The following GRM5 variants were observed in gnomAD, a reference collection of about 807,000 sequenced individuals.
GRM5 encodes the protein glutamate metabotropic receptor 5.
A neutral mutation model predicts 83.1 loss-of-function variants in GRM5; 19 were observed. The observed-to-expected ratio is 0.23, with a 90% confidence interval of 0.16 to 0.34. The LOEUF is 0.34. GRM5 is among the 10% of genes least tolerant of loss of function. The probability of loss-of-function intolerance (pLI) is 1.00; values close to 1 mark genes in which losing one functional copy is unlikely to be tolerated. For missense variants in GRM5, 1,160 were observed against 1,588.3 expected (o/e 0.73, Z 4.58); for synonymous variants, 675 against 633.6 (o/e 1.07, Z -0.98).
intron 3 of GRM5, among the ~76,000 whole-genome samples, chr11:88,829,290 G>A (rs1316846929): frequency 6.6e-6 from 1 of 152,086 alleles, no homozygotes; most frequent in African/African-American, 2.4e-5. Context: ...GCAAAACCCT[G>A]TCTCTACTAA....
intron 2 of GRM5, among the ~76,000 whole-genome samples, chr11:89,038,659 C>T (rs1271276011): frequency 1.3e-5 from 2 of 152,102 alleles, no homozygotes; most frequent in Non-Finnish European, 2.9e-5. Flanking sequence ...GTGCTGCTTT[C>T]AAAGCTAGAT....
chr11:88,933,755 A>T (rs1331447464), intron 2 of GRM5, among the ~76,000 whole-genome samples: 1 of 151,862 alleles, frequency 6.6e-6, no homozygotes, highest in Non-Finnish European at 1.5e-5. Flanking sequence ...AATGTTACTT[A>T]ATTCATTCAT....
At chr11:88,877,616 T>C (rs1411784011) in intron 2 of GRM5, among the ~76,000 whole-genome samples, 1 of 151,856 alleles carries the variant, frequency 6.6e-6, no homozygotes, top group African/African-American at 2.4e-5. Context: ...GGCACAGGAA[T>C]TTGAGACCAG....
intron 8 of GRM5, among the ~76,000 whole-genome samples, chr11:88,534,881 T>A (rs1256557095): frequency 2.0e-5 from 3 of 152,160 alleles, no homozygotes; most frequent in African/African-American, 7.2e-5. Flanking sequence ...GTTCTCATGG[T>A]AGTGAGTAAG....
chr11:88,680,582 G>A (rs1378765133), intron 3 of GRM5, among the ~76,000 whole-genome samples: 2 of 152,134 alleles, frequency 1.3e-5, no homozygotes, highest in Non-Finnish European at 2.9e-5. Flanking sequence ...CGATCCCTCA[G>A]GGATCTAGAA....
chr11:89,034,342 TATAAA>T (rs1941333669), intron 2 of GRM5, among the ~76,000 whole-genome samples: 2 of 152,056 alleles, frequency 1.3e-5, no homozygotes, highest in South Asian at 4.1e-4. Context: ...CTCTAAATGA[TATAAA>T]ATAACATTAT....
At chr11:88,814,102 A>G (rs1309622582) in intron 3 of GRM5, among the ~76,000 whole-genome samples, 1 of 152,228 alleles carries the variant, frequency 6.6e-6, no homozygotes, top group Non-Finnish European at 1.5e-5. Context: ...ATACCATCCT[A>G]TGTGAAACAA....
chr11:88,964,680 T>C (rs2134991612), intron 2 of GRM5, among the ~76,000 whole-genome samples: 1 of 152,298 alleles, frequency 6.6e-6, no homozygotes, highest in African/African-American at 2.4e-5. Flanking sequence ...GTGCTGTAAC[T>C]TGGCACATCA....
At chr11:88,820,947 A>T (rs2135509071) in intron 3 of GRM5, among the ~76,000 whole-genome samples, 1 of 152,364 alleles carries the variant, frequency 6.6e-6, no homozygotes, top group East Asian at 1.9e-4. Context: ...TGGAAAATAT[A>T]GCCTCATACA....
chr11:88,889,477 C>T (rs563334182), intron 2 of GRM5, among the ~76,000 whole-genome samples: 6 of 152,110 alleles, frequency 3.9e-5, no homozygotes, highest in Admixed American at 2.6e-4. Flanking sequence ...ACTGTTACAT[C>T]GTAACATAAT....
intron 9 of GRM5, among the ~76,000 whole-genome samples, chr11:88,524,611 C>T (rs1007846077): frequency 3.3e-5 from 5 of 152,318 alleles, no homozygotes; most frequent in Middle Eastern, 6.8e-3. Context: ...CCAAATACTC[C>T]GGTTTACTAG....
At chr11:88,830,425 C>A (rs1943968552) in intron 3 of GRM5, among the ~76,000 whole-genome samples, 2 of 152,244 alleles carry the variant, frequency 1.3e-5, no homozygotes, top group South Asian at 2.1e-4. Flanking sequence ...AGTAAAAAAT[C>A]TCCAAGCAAA....
intron 2 of GRM5, among the ~76,000 whole-genome samples, chr11:88,991,995 AAG>A (rs1939993676): frequency 6.6e-6 from 1 of 152,186 alleles, no homozygotes; most frequent in Non-Finnish European, 1.5e-5. Flanking sequence ...ATGGCAACAA[AAG>A]ACAAAATTGA....
At chr11:88,881,996 C>A (rs1041445110) in intron 2 of GRM5, among the ~76,000 whole-genome samples, 2 of 152,098 alleles carry the variant, frequency 1.3e-5, no homozygotes, top group Admixed American at 6.6e-5. Context: ...AATTCCAGCA[C>A]CTTGGGATGC....
At chr11:88,887,845 T>TC (rs1300080161) in intron 2 of GRM5, among the ~76,000 whole-genome samples, 2 of 152,182 alleles carry the variant, frequency 1.3e-5, no homozygotes, top group Non-Finnish European at 2.9e-5. Flanking sequence ...ATGGCCTTTT[T>TC]ACTAGATCCT....
At position 88,679,777 on chromosome 11, in the gene GRM5, C is replaced by T. The variant is rs865910567; in HGVS notation, c.912-26374G>A. Among the ~76,000 whole-genome samples the T allele has an allele frequency of 2.2e-4, 34 of 152,272 alleles. No individual in the cohort carries two copies. In the Middle Eastern group the frequency reaches 0.01, roughly 46 times the overall value. On this transcript the variant is annotated intron_variant, in intron 3 of 9. Transcript: ENST00000305447. ...TATCTCTGTTGCTGTCACTTAGCTT[C>T]ACCATACTTGATTTATATTAATTCA... is the stretch of plus-strand genomic sequence containing the variant.
At chr11:88,663,065 T>TTAA (rs1326963775) in intron 3 of GRM5, among the ~76,000 whole-genome samples, 1 of 152,166 alleles carries the variant, frequency 6.6e-6, no homozygotes, top group Non-Finnish European at 1.5e-5. Flanking sequence ...CAATATGAAG[T>TTAA]TAATACTCAC....
In GRM5 at chr11:89,050,028, A is replaced by G. The variant is rs879785580; in HGVS notation, c.-200-1956T>C. Among the ~76,000 whole-genome samples, 37 of 152,216 alleles carry G rather than the reference A, an allele frequency of 2.4e-4. 1 individual carries two copies. Among genetic ancestry groups the G allele is most frequent in the Admixed American group, 1.3e-3 (20 of 15,282 alleles). The stretch of plus-strand genomic sequence containing the variant: ...AAACACGACTCATTTTTTATGTAAG[A>G]ACATCAAAGTGATATGAGAGACCTG... On this transcript the variant is annotated intron_variant, in intron 1 of 9. Transcript: ENST00000305447.
chr11:88,622,091 C>T (rs5003408), intron 4 of GRM5, among the ~76,000 whole-genome samples: 123,165 of 151,754 alleles, frequency 0.81, 50,186 homozygotes, highest in South Asian at 0.92. Context: ...AATCACAACA[C>T]TATTTTCAAC....
Sources: allele counts gnomAD v4.1 joint callset (sites outside exome capture counted in the v4.1 genomes callset), GRCh38; gene constraint gnomAD v4.1.1; transcripts MANE v1.5; gene names NCBI Gene and HGNC (gene_info 2026-07-23, HGNC 2026-07-21).